Variants in LMAN1L observed in about 807,000 individuals in gnomAD.
The protein encoded by LMAN1L is lectin, mannose binding 1 like.
Under a neutral mutation model 58.3 loss-of-function variants are expected in LMAN1L, and 60 were observed. That is an observed-to-expected ratio of 1.03 (90% CI 0.84 to 1.27). The LOEUF is 1.27. Ranked by LOEUF, LMAN1L falls within the 50% of genes most tolerant of loss-of-function variation. The probability of loss-of-function intolerance (pLI) is 0.00; values close to 1 mark genes in which losing one functional copy is unlikely to be tolerated. For synonymous variants in LMAN1L, 280 were observed against 271.6 expected (o/e 1.03, Z -0.31); for missense variants, 629 against 674.0 (o/e 0.93, Z 0.74).
intron 9 of LMAN1L, 100 bp downstream of exon 9, chr15:74,821,326 G>C: frequency 7.4e-7 from 1 of 1,349,552 alleles, no homozygotes; most frequent in Non-Finnish European, 1.0e-6. Context: ...TGGAGGGAAA[G>C]GAAGGCAGGG....
intron 8 of LMAN1L, 90 bp from the exon 9 acceptor site, chr15:74,820,985 C>A (rs1247398656): frequency 1.4e-6 from 2 of 1,426,942 alleles, no homozygotes; most frequent in Non-Finnish European, 1.9e-6. Context: ...CCTTCTGGCA[C>A]CCCTCTCCAA....
chr15:74,823,556 T>A lies in LMAN1L; in HGVS notation c.1200-3T>A. ...ATCTTACTTGGTTACCACCCCCGGT[T>A]AGGGATGCAGCTGTCCGCATGGCTG... On this transcript the variant is annotated splice_polypyrimidine_tract_variant and splice_region_variant and intron_variant, in intron 11 of 13. Coordinates refer to ENST00000309664, the MANE Select transcript of LMAN1L (RefSeq NM_021819.3). The A allele has an allele frequency of 6.2e-7, 1 of 1,613,550 alleles. No homozygotes were observed. Among genetic ancestry groups the A allele is most frequent in the Non-Finnish European group, 8.5e-7 (1 of 1,179,754 alleles).
At chr15:74,816,753 C>A (rs182868784) in intron 4 of LMAN1L, 63 bp downstream of exon 4, 5 of 1,485,834 alleles carry the variant, frequency 3.4e-6, no homozygotes, top group South Asian at 1.2e-5. Context: ...CCCATCCCCC[C>A]CATCCGAGCC....
chr15:74,815,558 C>T (rs962983093), intron 1 of LMAN1L, among the ~76,000 whole-genome samples: 1 of 152,224 alleles, frequency 6.6e-6, no homozygotes, highest in Non-Finnish European at 1.5e-5. Flanking sequence ...GGCCGGTTCT[C>T]ACCTTCACAT....
rs1012191075 is a variant in LMAN1L at position 74,825,656 on chromosome 15, T to C, written c.*51T>C. On this transcript the variant is annotated 3_prime_UTR_variant, in exon 14 of 14. Coordinates refer to ENST00000309664, the MANE Select transcript of LMAN1L (RefSeq NM_021819.3). ...ACTGGGAAGCAGGCAGTGTCTTGGG[T>C]GGGGGCTTGGTCAGTATCCTCTCCG... is the stretch of plus-strand genomic sequence containing the variant. 1.3e-6 allele frequency: 2 copies of C among 1,579,504 alleles called. No homozygotes were observed. The highest frequency in any genetic ancestry group is 2.7e-5 in the African/African-American group (2 of 74,438).
At chr15:74,814,379 T>TG (rs780471944) in intron 1 of LMAN1L, among the ~76,000 whole-genome samples, 6,100 of 114,192 alleles carry the variant, frequency 0.053, 485 homozygotes, top group South Asian at 0.3. Context: ...TTTGTTTTTG[T>TG]TTTTTTTTTT....
intron 1 of LMAN1L, 184 bp downstream of exon 1, chr15:74,813,213 C>A (rs550163709): frequency 2.9e-6 from 2 of 681,210 alleles, no homozygotes; most frequent in African/African-American, 3.5e-5. Flanking sequence ...CCTCAACACC[C>A]CCCACCCCTG....
chr15:74,812,837 A>G lies in LMAN1L; in HGVS notation c.-18A>G. On this transcript the variant is annotated 5_prime_UTR_variant, in exon 1 of 14. Transcript: ENST00000309664. Reference sequence around the variant, plus strand: ...AGCTATGATCTACCCCGGGGCCCAGACTTCAGGCGCCTTCACGATGCCGGC... The same window carrying G: ...AGCTATGATCTACCCCGGGGCCCAGGCTTCAGGCGCCTTCACGATGCCGGC... The G allele has an allele frequency of 1.3e-6, 2 of 1,575,152 alleles. No individual in the cohort carries two copies. The highest frequency in any genetic ancestry group is 1.7e-6 in the Non-Finnish European group (2 of 1,157,908).
chr15:74,822,236 T>G (rs567921356), intron 10 of LMAN1L, among the ~76,000 whole-genome samples: 1 of 152,264 alleles, frequency 6.6e-6, no homozygotes, highest in South Asian at 2.1e-4. Flanking sequence ...CGTGGTGGCA[T>G]GCATCTGTAG....
In LMAN1L at chr15:74,819,227, C is replaced by T. The variant is rs1422595434; in HGVS notation, c.673C>T (p.Pro225Ser). The T allele has an allele frequency of 1.2e-6, 2 of 1,614,148 alleles. No individual in the cohort carries two copies. The highest frequency in any genetic ancestry group is 2.2e-5 in the East Asian group (1 of 44,882). ...CVDVGPLLLVPGGFFGVSAAT... is the reference protein window; with the variant it reads ...CVDVGPLLLVSGGFFGVSAAT... Reference sequence around the variant, plus strand: ...GGATGTGGGGCCCCTGCTTTTGGTCCCTGGAGGTTTCTTTGGGGTCTCAGC... The same window carrying T: ...GGATGTGGGGCCCCTGCTTTTGGTCTCTGGAGGTTTCTTTGGGGTCTCAGC... Residue 225 changes from proline (P) to serine (S), a missense_variant, in exon 6 of 14, where the codon CCT (proline) becomes TCT (serine). By Grantham distance (74) the Pro-to-Ser change is moderately conservative. Coordinates refer to ENST00000309664, the MANE Select transcript of LMAN1L (RefSeq NM_021819.3).
chr15:74,816,059 C>T (rs2063888531), intron 1 of LMAN1L, 98 bp from the exon 2 acceptor site: 5 of 1,408,480 alleles, frequency 3.5e-6, no homozygotes, highest in East Asian at 2.5e-5. Context: ...TTGGCATTGT[C>T]GCCTTCTCTT....
chr15:74,814,530 C>A (rs1368494439), intron 1 of LMAN1L, among the ~76,000 whole-genome samples: 1 of 152,108 alleles, frequency 6.6e-6, no homozygotes, highest in East Asian at 1.9e-4. Context: ...CCTGCCACCA[C>A]CCCCAGCTAA....
At chr15:74,820,980 TG>T in intron 8 of LMAN1L, 94 bp from the exon 9 acceptor site, 1 of 1,418,836 alleles carries the variant, frequency 7.0e-7, no homozygotes, top group South Asian at 1.5e-5. Context: ...CCACACCTTC[TG>T]GCACCCCTCT....
chr15:74,818,801 G>C lies in LMAN1L; in HGVS notation c.581G>C (p.Trp194Ser). The change falls in exon 5 of 14, where the codon TGG becomes TCG. Residue 194 changes from tryptophan to serine, a missense_variant. Around this residue, in one of 3 missense-constraint regions of LMAN1L, gnomAD observed 573 missense variants for 597.3 expected, o/e 0.96. Coordinates refer to ENST00000309664, the MANE Select transcript of LMAN1L (RefSeq NM_021819.3). Reference sequence around the variant, plus strand: ...CCCTTCAGAGCACGGATCACCTACTGGGGGCAGAGGCTGCGCGTGAGTCAC... The same window carrying C: ...CCCTTCAGAGCACGGATCACCTACTCGGGGCAGAGGCTGCGCGTGAGTCAC... ...PHPFRARITY[W>S]GQRLRMSLNS... The C allele has an allele frequency of 6.2e-7, 1 of 1,609,912 alleles. No homozygotes were observed. Among genetic ancestry groups the C allele is most frequent in the Non-Finnish European group, 8.5e-7 (1 of 1,178,426 alleles).
Position 74,816,412 on chromosome 15 carries a change from G to A in LMAN1L, c.331-15G>A, listed in dbSNP as rs760860921. On this transcript the variant is annotated splice_polypyrimidine_tract_variant and intron_variant, in intron 2 of 13. Transcript: ENST00000309664. The stretch of plus-strand genomic sequence containing the variant: ...CCCACACGGTTCCCTGAGCTGAGGG[G>A]CTGGGGACCTGCAGGCCGTGTGGTA... 1.9e-6 allele frequency: 3 copies of A among 1,567,936 alleles called. No individual in the cohort carries two copies. The highest frequency in any genetic ancestry group is 2.6e-6 in the Non-Finnish European group (3 of 1,153,696).
chr15:74,824,539 A>T (rs2063932328), intron 13 of LMAN1L, 61 bp downstream of exon 13: 1 of 1,594,208 alleles, frequency 6.3e-7, no homozygotes, highest in African/African-American at 1.3e-5. Context: ...CTCAGCTATA[A>T]CCATTGGATT....
rs374335526 is a variant in LMAN1L at position 74,824,491 on chromosome 15, G to A, written c.1451+13G>A. The A allele has an allele frequency of 4.2e-5, 68 of 1,613,954 alleles. No individual in the cohort carries two copies. The highest frequency in any genetic ancestry group is 3.3e-5 in the South Asian group (3 of 91,078). On this transcript the variant is annotated intron_variant, in intron 13 of 13. Coordinates refer to ENST00000309664, the MANE Select transcript of LMAN1L (RefSeq NM_021819.3). Reference sequence around the variant, plus strand: ...ACGTGCACTTCAGGTGGGCCACCCCGTGAGCAGGATTTCCCACAGCACTGG... The same window carrying A: ...ACGTGCACTTCAGGTGGGCCACCCCATGAGCAGGATTTCCCACAGCACTGG...
At position 74,819,444 on chromosome 15, in the gene LMAN1L, G is replaced by A. The variant is rs375501269; in HGVS notation, c.718+172G>A. 5 of 806,038 alleles carry A rather than the reference G, an allele frequency of 6.2e-6. No homozygotes were observed. In the African/African-American group the frequency reaches 6.8e-5, roughly 11 times the overall value. The allele number at this position is 806,038 out of a possible 1,614,324, so 49.9% of individuals were successfully genotyped here. A position where few individuals can be genotyped will look rare whatever the true frequency, so the allele number is the denominator to read the frequency against. ...CTTGAGACTTGCAAGTCTCAAATGG[G>A]ATAAAACAAGAGAAGCTTTGATTTC... On this transcript the variant is annotated intron_variant, in intron 6 of 13. Transcript: ENST00000309664.
intron 7 of LMAN1L, 115 bp downstream of exon 7, chr15:74,820,214 T>A: frequency 6.2e-6 from 6 of 972,616 alleles, no homozygotes; most frequent in Non-Finnish European, 9.9e-6. Flanking sequence ...GCCTCTGAGC[T>A]CTGCTCAGGC....
Sources: gnomAD v4.1 joint callset for allele counts (sites outside exome capture counted in the v4.1 genomes callset) on GRCh38, gnomAD v4.1.1 for gene constraint, gnomAD v4.1.1 regional missense constraint, MANE v1.5 for transcripts, NCBI Gene and HGNC (gene_info 2026-07-23, HGNC 2026-07-21) for gene names.